SATB1: variants seen among roughly 807,000 people sequenced by gnomAD.
The protein encoded by SATB1 is DNA-binding protein SATB1.
In SATB1, 11 loss-of-function variants were observed where a neutral mutation model predicts 86.9. That is an observed-to-expected ratio of 0.13 (90% CI 0.08 to 0.21). The LOEUF (loss-of-function observed/expected upper bound fraction) is 0.21. Among genes scored for constraint, SATB1 ranks in the 10% least tolerant of loss-of-function variants. The pLI is 1.00. For missense variants in SATB1, 551 were observed against 937.6 expected (o/e 0.59, Z 5.39); for synonymous variants, 357 against 357.2 (o/e 1.00, Z 0.01).
chr3:18,392,791 C>T (rs1385358196), intron 7 of SATB1, among the ~76,000 whole-genome samples: 3 of 151,908 alleles, frequency 2.0e-5, no homozygotes, highest in Non-Finnish European at 4.4e-5. Context: ...AGAGGGTTGA[C>T]TTTTGAGCCA....
chr3:18,445,482 C>T lies in SATB1; in HGVS notation c.-25+36G>A, dbSNP rs1699370731. The T allele has an allele frequency of 6.1e-6, 6 of 985,234 alleles. No individual in the cohort carries two copies. The South Asian group carries it at 2.8e-4, about 46-fold the overall frequency. 61.0% of individuals were successfully genotyped at this position (985,234 alleles called of 1,614,324 possible). On this transcript the variant is annotated intron_variant, in intron 1 of 3. Coordinates refer to the SATB1 transcript ENST00000415069. The stretch of plus-strand genomic sequence containing the variant: ...TTGGGGGTGCGCTTGGGGTGCGCGG[C>T]GCGGTTCTCGTCGCCCGCCAACCCT...
intron 5 of SATB1, among the ~76,000 whole-genome samples, chr3:18,404,854 G>GTATA (rs1351986730): frequency 6.6e-6 from 1 of 151,830 alleles, no homozygotes; most frequent in Admixed American, 6.6e-5. Context: ...TTTTTAAAAG[G>GTATA]TATATTAAGA....
chr3:18,359,533 T>A (rs1694807725), intron 9 of SATB1, among the ~76,000 whole-genome samples: 1 of 152,078 alleles, frequency 6.6e-6, no homozygotes, highest in Non-Finnish European at 1.5e-5. Context: ...AATACCTAAT[T>A]TGAAAGTTTA....
chr3:18,430,467 T>C (rs1208547638), intron 2 of SATB1, among the ~76,000 whole-genome samples: 1 of 152,210 alleles, frequency 6.6e-6, no homozygotes, highest in Non-Finnish European at 1.5e-5. Flanking sequence ...CTGCTTTCCG[T>C]GAACATTTAA....
upstream of SATB1, among the ~76,000 whole-genome samples, chr3:18,441,192 ACAG>A (rs1699235108): frequency 6.6e-6 from 1 of 152,306 alleles, no homozygotes; most frequent in South Asian, 2.1e-4. Flanking sequence ...ATCCTTCCTA[ACAG>A]CATTCATGTA....
At chr3:18,437,486 T>G (rs1313614511) in intron 1 of SATB1, among the ~76,000 whole-genome samples, 2 of 152,162 alleles carry the variant, frequency 1.3e-5, no homozygotes, top group East Asian at 1.9e-4. Context: ...ATCATTCTTT[T>G]TTAACATGGT....
chr3:18,395,628 C>T (rs953997872), intron 6 of SATB1, among the ~76,000 whole-genome samples: 4 of 152,148 alleles, frequency 2.6e-5, no homozygotes, highest in African/African-American at 9.7e-5. Flanking sequence ...TATATCAAGC[C>T]AGCATACCCA....
intron 9 of SATB1, among the ~76,000 whole-genome samples, chr3:18,366,977 T>C (rs1309394151): frequency 6.6e-6 from 1 of 152,188 alleles, no homozygotes; most frequent in East Asian, 1.9e-4. Flanking sequence ...TCTGTAATAC[T>C]TGTGTACCTG....
chr3:18,370,577 A>AAAAG (rs1695433623), intron 9 of SATB1, among the ~76,000 whole-genome samples: 1 of 116,778 alleles, frequency 8.6e-6, no homozygotes, highest in African/African-American at 5.5e-5. Flanking sequence ...AAAAGAAAAG[A>AAAAG]AAAAAAAAAC....
At chr3:18,376,027 T>C (rs1419924627) in intron 9 of SATB1, among the ~76,000 whole-genome samples, 1 of 152,140 alleles carries the variant, frequency 6.6e-6, no homozygotes, top group Admixed American at 6.6e-5. Flanking sequence ...AATTTGCTTA[T>C]TTACATTGCT....
intron 5 of SATB1, 49 bp downstream of exon 5, chr3:18,415,062 C>T (rs761261928): frequency 6.2e-7 from 1 of 1,602,574 alleles, no homozygotes; most frequent in Non-Finnish European, 8.5e-7. Flanking sequence ...AACCTCAAAT[C>T]AGGGTTGCCC....
chr3:18,408,093 G>A (rs1446645324), intron 5 of SATB1, among the ~76,000 whole-genome samples: 1 of 152,012 alleles, frequency 6.6e-6, no homozygotes, highest in African/African-American at 2.4e-5. Flanking sequence ...CAACTGGTTT[G>A]CATCTTCAAC....
rs1467833126 is a variant in SATB1 at position 18,389,588 on chromosome 3, CACAG to C, written c.1207-2981_1207-2978del. On this transcript the variant is annotated intron_variant, in intron 7 of 10. Transcript: ENST00000338745. The stretch of plus-strand genomic sequence containing the variant: ...CCAAGGTCATTTGTAGTACTGCCCA[CACAG>C]TGGACAGTAAGCGTGACCTTTTACC... Among the ~76,000 whole-genome samples the C allele has an allele frequency of 1.2e-4, 18 of 152,144 alleles. No homozygotes were observed. In the South Asian group the frequency reaches 2.9e-3, roughly 25 times the overall value.
At chr3:18,440,659 C>A (rs560743754), upstream of SATB1, among the ~76,000 whole-genome samples, 1 of 152,174 alleles carries the variant, frequency 6.6e-6, no homozygotes, top group Admixed American at 6.5e-5. Context: ...TGATGCTCAT[C>A]ATGCTGAAAC....
At chr3:18,410,501 T>C (rs1697776801) in intron 5 of SATB1, among the ~76,000 whole-genome samples, 1 of 152,002 alleles carries the variant, frequency 6.6e-6, no homozygotes, top group Non-Finnish European at 1.5e-5. Flanking sequence ...TATAAGACTA[T>C]ATCCTACTTA....
At chr3:18,390,705 T>C (rs1318472096) in intron 7 of SATB1, among the ~76,000 whole-genome samples, 1 of 152,100 alleles carries the variant, frequency 6.6e-6, no homozygotes, top group Non-Finnish European at 1.5e-5. Flanking sequence ...TTTTGAATAA[T>C]CCATCTTCAT....
At chr3:18,436,679 A>G (rs1490630669) in intron 2 of SATB1, 3 of 152,210 alleles carry the variant, frequency 2.0e-5, no homozygotes, top group Non-Finnish European at 4.4e-5. Context: ...GCAATTCTTT[A>G]ATGAGTGCTC....
At chr3:18,380,087 T>A (rs904261546) in intron 8 of SATB1, among the ~76,000 whole-genome samples, 4 of 152,192 alleles carry the variant, frequency 2.6e-5, no homozygotes, top group African/African-American at 9.7e-5. Flanking sequence ...TCTGGGGTGG[T>A]CTTGCTTTGA....
At chr3:18,370,546 CAAAAAAG>C (rs1396322772) in intron 9 of SATB1, among the ~76,000 whole-genome samples, 28 of 69,562 alleles carry the variant, frequency 4.0e-4, no homozygotes, top group Non-Finnish European at 7.7e-4. Context: ...AGAGGAAAAA[CAAAAAAG>C]AAAAAAGAAA....
Sources: allele counts gnomAD v4.1 joint callset (sites outside exome capture counted in the v4.1 genomes callset), GRCh38; gene constraint gnomAD v4.1.1; transcripts MANE v1.5; gene names NCBI Gene and HGNC (gene_info 2026-07-23, HGNC 2026-07-21).